Variants in AK5 observed in about 807,000 individuals in gnomAD.
The protein encoded by AK5 is adenylate kinase 5.
Under a neutral mutation model 69.5 loss-of-function variants are expected in AK5, and 27 were observed. The observed-to-expected ratio is 0.39, with a 90% CI of 0.29 to 0.54. The LOEUF is 0.54. Among genes scored for constraint, AK5 ranks in the 20% least tolerant of loss-of-function variants. The pLI is 0.71. For synonymous variants in AK5, 260 were observed against 244.4 expected, an observed-to-expected ratio of 1.06 and a Z score of -0.60; for missense variants, 531 against 700.4, an observed-to-expected ratio of 0.76 and a Z score of 2.73.
intron 13 of AK5, among the ~76,000 whole-genome samples, chr1:77,556,479 C>G (rs1365685722): frequency 6.6e-6 from 1 of 152,106 alleles, no homozygotes; most frequent in African/African-American, 2.4e-5. Context: ...GGTTCTTTTT[C>G]TTTTAATTAC....
chr1:77,333,555 A>G (rs1437714546), intron 5 of AK5, among the ~76,000 whole-genome samples: 1 of 121,692 alleles, frequency 8.2e-6, no homozygotes, highest in Non-Finnish European at 1.7e-5. Flanking sequence ...CCCCCCCACC[A>G]TGCTAGTTGA....
chr1:77,502,113 TG>T (rs1162358443), intron 10 of AK5, among the ~76,000 whole-genome samples: 2 of 152,252 alleles, frequency 1.3e-5, no homozygotes, highest in African/African-American at 4.8e-5. Context: ...GTTAGGATTT[TG>T]TTTGGCTGAA....
Position 77,345,547 on chromosome 1 carries a change from A to G in AK5, c.891+4979A>G, listed in dbSNP as rs79284149. On this transcript the variant is annotated intron_variant, in intron 6 of 13. Coordinates refer to ENST00000354567, the MANE Select transcript of AK5 (RefSeq NM_174858.3). ...CTTTTTAATTTTACGAAGTGAAGGC[A>G]TTAGAAAAAAACTCCCAATACTTGC... Among the ~76,000 whole-genome samples, 158 of 152,320 alleles carry G rather than the reference A, an allele frequency of 1.0e-3. 5 individuals carry two copies. The East Asian group carries it at 0.029, about 28-fold the overall frequency.
chr1:77,287,038 A>G lies in AK5; in HGVS notation c.158A>G (p.Lys53Arg). The change falls in exon 2 of 14, where the codon AAG (lysine) becomes AGG (arginine). Residue 53 changes from lysine to arginine, a missense_variant. Transcript: ENST00000354567. The part of the protein sequence containing the change: ...QKVKELGGCD[K>R]VKWDTFVSQE... Reference sequence around the variant, plus strand: ...GTAAAGGAACTGGGTGGCTGTGACAAGGTGAAATGGGATACATTTGTAAGC... The same window carrying G: ...GTAAAGGAACTGGGTGGCTGTGACAGGGTGAAATGGGATACATTTGTAAGC... 1 of 1,610,286 alleles carries G rather than the reference A, an allele frequency of 6.2e-7. No individual in the cohort carries two copies. Among genetic ancestry groups the G allele is most frequent in the East Asian group, 2.2e-5 (1 of 44,678 alleles).
intron 6 of AK5, among the ~76,000 whole-genome samples, chr1:77,375,949 C>T (rs11162328): frequency 0.19 from 29,650 of 152,078 alleles, 3,295 homozygotes; most frequent in Middle Eastern, 0.32. Flanking sequence ...TTCCCTAGGC[C>T]GCTGTGATGC....
chr1:77,374,108 T>C (rs1426448808), intron 6 of AK5, among the ~76,000 whole-genome samples: 1 of 152,232 alleles, frequency 6.6e-6, no homozygotes, highest in Non-Finnish European at 1.5e-5. Context: ...AGAACTCACC[T>C]GAAATTAGAT....
At chr1:77,474,382 C>T (rs1401782821) in intron 8 of AK5, among the ~76,000 whole-genome samples, 1 of 152,174 alleles carries the variant, frequency 6.6e-6, no homozygotes, top group Admixed American at 6.5e-5. Context: ...GTCCCACTGC[C>T]ACTAACTAGC....
chr1:77,556,095 T>G (rs1197731514), intron 13 of AK5, among the ~76,000 whole-genome samples: 1 of 152,224 alleles, frequency 6.6e-6, no homozygotes, highest in Admixed American at 6.5e-5. Flanking sequence ...ACTTATTTTT[T>G]CCTTATTGTG....
intron 8 of AK5, among the ~76,000 whole-genome samples, chr1:77,455,670 A>T (rs1653437033): frequency 6.6e-6 from 1 of 152,152 alleles, no homozygotes; most frequent in South Asian, 2.1e-4. Context: ...TTATTATAGC[A>T]GCCCAAACAG....
chr1:77,430,684 G>A (rs146761122), intron 8 of AK5, among the ~76,000 whole-genome samples: 121 of 152,316 alleles, frequency 7.9e-4, no homozygotes, highest in African/African-American at 2.8e-3. Flanking sequence ...AGAGCAGAAA[G>A]ACGTAGAAGA....
chr1:77,477,140 G>A (rs1389177995), intron 8 of AK5, among the ~76,000 whole-genome samples: 1 of 151,992 alleles, frequency 6.6e-6, no homozygotes, highest in African/African-American at 2.4e-5. Flanking sequence ...CCGTCCTCCA[G>A]CCTTAGCCTC....
intron 6 of AK5, among the ~76,000 whole-genome samples, chr1:77,359,837 T>G (rs1646832317): frequency 6.6e-6 from 1 of 152,250 alleles, no homozygotes; most frequent in Admixed American, 6.5e-5. Context: ...TGTTTTTTCC[T>G]GCCTTCATGA....
intron 8 of AK5, among the ~76,000 whole-genome samples, chr1:77,447,266 A>T (rs1273288237): frequency 2.0e-5 from 3 of 152,234 alleles, no homozygotes; most frequent in South Asian, 4.1e-4. Flanking sequence ...ACCATTCTTG[A>T]CTAAAAAGTC....
At chr1:77,296,174 TGA>T (rs932377688) in intron 3 of AK5, among the ~76,000 whole-genome samples, 1 of 152,154 alleles carries the variant, frequency 6.6e-6, no homozygotes, top group African/African-American at 2.4e-5. Context: ...CCTAAAAATG[TGA>T]GAGTGAGGTA....
At chr1:77,325,164 T>G (rs946370050) in intron 5 of AK5, among the ~76,000 whole-genome samples, 7 of 142,694 alleles carry the variant, frequency 4.9e-5, no homozygotes, top group African/African-American at 1.0e-4. Flanking sequence ...GTTTTTTGTT[T>G]TTTTTTTTTT....
chr1:77,345,023 A>G (rs1194372206), intron 6 of AK5, among the ~76,000 whole-genome samples: 4 of 151,450 alleles, frequency 2.6e-5, no homozygotes, highest in Non-Finnish European at 5.9e-5. Context: ...GATGCAATGT[A>G]TATGTTATTT....
At chr1:77,384,936 G>A (rs1647900182) in intron 6 of AK5, among the ~76,000 whole-genome samples, 1 of 152,060 alleles carries the variant, frequency 6.6e-6, no homozygotes, top group Non-Finnish European at 1.5e-5. Flanking sequence ...GAAGTACATC[G>A]CCTGGGTGCA....
chr1:77,480,960 A>G (rs1428531189), intron 8 of AK5, among the ~76,000 whole-genome samples: 1 of 152,182 alleles, frequency 6.6e-6, no homozygotes, highest in Non-Finnish European at 1.5e-5. Context: ...GAGCTAAGCA[A>G]AGATGTGGTC....
intron 8 of AK5, among the ~76,000 whole-genome samples, chr1:77,475,782 A>T (rs953527220): frequency 1.4e-4 from 22 of 151,914 alleles, no homozygotes; most frequent in Admixed American, 6.6e-5. Flanking sequence ...TTAACTTTAC[A>T]TGAAATTAAA....
Sources: allele counts gnomAD v4.1 joint callset (sites outside exome capture counted in the v4.1 genomes callset), GRCh38; gene constraint gnomAD v4.1.1; transcripts MANE v1.5; gene names NCBI Gene and HGNC (gene_info 2026-07-23, HGNC 2026-07-21).